Variants in SAMHD1 observed in about 807,000 individuals in gnomAD.
SAMHD1 encodes deoxynucleoside triphosphate triphosphohydrolase SAMHD1.
SAMHD1 carries 54 observed loss-of-function variants against 79.6 expected under a neutral mutation model. The ratio of observed to expected loss-of-function variants is 0.68; its 90% confidence interval spans 0.55 to 0.85. SAMHD1 has a LOEUF of 0.85. Among genes scored for constraint, SAMHD1 ranks in the 40% least tolerant of loss-of-function variants. SAMHD1 has a pLI of 0.00. For missense variants in SAMHD1, 663 were observed against 782.7 expected, an observed-to-expected ratio of 0.85 and a Z score of 1.82; for synonymous variants, 260 against 264.1, an observed-to-expected ratio of 0.98 and a Z score of 0.15.
At chr20:36,944,621 G>A (rs935437748) in intron 2 of SAMHD1, among the ~76,000 whole-genome samples, 2 of 152,176 alleles carry the variant, frequency 1.3e-5, no homozygotes, top group Non-Finnish European at 2.9e-5. Flanking sequence ...AAGGCCGGTC[G>A]CAGTGGCTCG....
chr20:36,935,345 T>A, intron 3 of SAMHD1, 156 bp from the exon 4 acceptor site: 1 of 670,988 alleles, frequency 1.5e-6, no homozygotes, highest in Non-Finnish European at 2.7e-6. Flanking sequence ...CATTACCTTA[T>A]TTAGGTATCA....
At chr20:36,948,703 C>T (rs2063711419) in intron 1 of SAMHD1, among the ~76,000 whole-genome samples, 1 of 146,948 alleles carries the variant, frequency 6.8e-6, no homozygotes, top group Non-Finnish European at 1.5e-5. Context: ...CCCATCTCTA[C>T]TAAAAATACA....
chr20:36,938,734 G>C (rs752949879), intron 3 of SAMHD1, among the ~76,000 whole-genome samples: 2 of 151,326 alleles, frequency 1.3e-5, no homozygotes, highest in East Asian at 3.9e-4. Context: ...TACTCAGGAA[G>C]CTGATTTAGG....
chr20:36,893,198 G>C, intron 15 of SAMHD1, 132 bp from the exon 16 acceptor site: 1 of 1,126,036 alleles, frequency 8.9e-7, no homozygotes, highest in Non-Finnish European at 1.3e-6. Flanking sequence ...TCAATCCAGG[G>C]AAACTCCAAA....
intron 4 of SAMHD1, among the ~76,000 whole-genome samples, chr20:36,931,448 C>T (rs531820018): frequency 1.2e-4 from 19 of 152,240 alleles, no homozygotes; most frequent in African/African-American, 4.3e-4. Flanking sequence ...CCAGCCTGGC[C>T]AACATGTTGA....
chr20:36,896,697 T>C (rs1243809350), intron 15 of SAMHD1, among the ~76,000 whole-genome samples: 2 of 151,954 alleles, frequency 1.3e-5, no homozygotes, highest in Non-Finnish European at 2.9e-5. Flanking sequence ...TAGCCAGGCA[T>C]TGTGGCACAT....
chr20:36,893,098 G>C, intron 15 of SAMHD1, 32 bp from the exon 16 acceptor site: 1 of 1,609,502 alleles, frequency 6.2e-7, no homozygotes, highest in South Asian at 1.1e-5. Context: ...ACAGGCAATA[G>C]AGAAAAGCCA....
chr20:36,950,838 A>C (rs2063728777), intron 1 of SAMHD1, among the ~76,000 whole-genome samples: 1 of 152,218 alleles, frequency 6.6e-6, no homozygotes, highest in Non-Finnish European at 1.5e-5. Flanking sequence ...TAACCAAGCC[A>C]GTTCCTTCCC....
At chr20:36,948,852 C>T (rs1466768914) in intron 1 of SAMHD1, among the ~76,000 whole-genome samples, 9 of 141,748 alleles carry the variant, frequency 6.3e-5, no homozygotes, top group South Asian at 2.2e-4. Flanking sequence ...GGCGACAGAG[C>T]GAGACTCTGT....
intron 2 of SAMHD1, among the ~76,000 whole-genome samples, chr20:36,944,225 T>C (rs1433735859): frequency 6.6e-6 from 1 of 151,362 alleles, no homozygotes; most frequent in Non-Finnish European, 1.5e-5. Context: ...CACATGCCAG[T>C]AGTCCCAGCT....
At chr20:36,910,222 CAA>C (rs35505370) in intron 11 of SAMHD1, among the ~76,000 whole-genome samples, 4 of 121,900 alleles carry the variant, frequency 3.3e-5, no homozygotes, top group Non-Finnish European at 6.7e-5. Context: ...GACTCCGTAT[CAA>C]AAAAAAAAAA....
intron 6 of SAMHD1, among the ~76,000 whole-genome samples, chr20:36,921,864 T>A (rs1411579102): frequency 1.3e-5 from 2 of 152,142 alleles, no homozygotes; most frequent in Non-Finnish European, 2.9e-5. Context: ...AATTTTTATA[T>A]TTTTAGTAGA....
chr20:36,915,930 C>A (rs1041036172), intron 9 of SAMHD1, among the ~76,000 whole-genome samples: 1 of 151,900 alleles, frequency 6.6e-6, no homozygotes, highest in Non-Finnish European at 1.5e-5. Context: ...GAGGCCGAGG[C>A]GGGCAGATCA....
At chr20:36,925,042 G>A (rs1440095404) in intron 6 of SAMHD1, among the ~76,000 whole-genome samples, 2 of 151,528 alleles carry the variant, frequency 1.3e-5, no homozygotes, top group Non-Finnish European at 2.9e-5. Flanking sequence ...TGTAATCCCA[G>A]CTATTCAGGA....
chr20:36,925,083 G>A (rs2063528429), intron 6 of SAMHD1, among the ~76,000 whole-genome samples: 1 of 151,094 alleles, frequency 6.6e-6, no homozygotes, highest in South Asian at 2.1e-4. Context: ...TTGAACCCAG[G>A]AGGTGGAGGT....
chr20:36,922,826 T>A (rs1275337703), intron 6 of SAMHD1, among the ~76,000 whole-genome samples: 9 of 151,776 alleles, frequency 5.9e-5, no homozygotes, highest in Non-Finnish European at 1.5e-5. Context: ...TTTTAAATTT[T>A]TTTGTAGAGA....
chr20:36,910,415 T>TA (rs952762274), intron 11 of SAMHD1, among the ~76,000 whole-genome samples: 6 of 149,572 alleles, frequency 4.0e-5, no homozygotes, highest in East Asian at 2.0e-4. Context: ...AATAAATAAA[T>TA]AAAAAAAAAT....
At chr20:36,934,939 T>C in intron 4 of SAMHD1, 90 bp downstream of exon 4, 1 of 1,379,982 alleles carries the variant, frequency 7.2e-7, no homozygotes. Flanking sequence ...ATTATAGGTG[T>C]GAGCCACCAT....
chr20:36,898,789 G>A (rs1990245999), intron 13 of SAMHD1, among the ~76,000 whole-genome samples: 1 of 151,664 alleles, frequency 6.6e-6, no homozygotes, highest in Non-Finnish European at 1.5e-5. Context: ...GCATGCGCCT[G>A]TAACCCCAGT....
Sources: allele counts gnomAD v4.1 joint callset (sites outside exome capture counted in the v4.1 genomes callset), GRCh38; gene constraint gnomAD v4.1.1; transcripts MANE v1.5; gene names NCBI Gene and HGNC (gene_info 2026-07-23, HGNC 2026-07-21).